Variants in SLC9A9 observed in about 807,000 individuals in gnomAD.
SLC9A9 encodes sodium/hydrogen exchanger 9.
A neutral mutation model predicts 77.8 loss-of-function variants in SLC9A9; 62 were observed. The ratio of observed to expected loss-of-function variants is 0.80; its 90% CI spans 0.65 to 0.98. The LOEUF is 0.98. SLC9A9 is among the 50% of genes least tolerant of loss of function. The pLI is 0.00. For missense variants in SLC9A9, 775 were observed against 774.9 expected (o/e 1.00, Z 0.00); for synonymous variants, 320 against 283.5 (o/e 1.13, Z -1.29).
intron 12 of SLC9A9, among the ~76,000 whole-genome samples, chr3:143,421,822 A>C (rs749864765): frequency 1.5e-4 from 23 of 152,204 alleles, no homozygotes; most frequent in Non-Finnish European, 2.9e-4. Context: ...ATAGGAGAAA[A>C]TATTTGCAAA....
At chr3:143,498,111 C>G (rs1485634366) in intron 9 of SLC9A9, among the ~76,000 whole-genome samples, 1 of 152,196 alleles carries the variant, frequency 6.6e-6, no homozygotes, top group Non-Finnish European at 1.5e-5. Flanking sequence ...TTATTGAAAT[C>G]TAACACTTCC....
At chr3:143,397,445 T>C (rs1205085398) in intron 12 of SLC9A9, among the ~76,000 whole-genome samples, 1 of 152,214 alleles carries the variant, frequency 6.6e-6, no homozygotes, top group Non-Finnish European at 1.5e-5. Flanking sequence ...TTGTAGGAGC[T>C]TTATATGTTG....
chr3:143,421,609 A>T (rs1363917971), intron 12 of SLC9A9, among the ~76,000 whole-genome samples: 1 of 152,158 alleles, frequency 6.6e-6, no homozygotes, highest in Non-Finnish European at 1.5e-5. Flanking sequence ...GAATTAAAAA[A>T]CTAAGTGTAA....
chr3:143,527,183 T>C (rs949783931), intron 9 of SLC9A9, among the ~76,000 whole-genome samples: 11 of 152,240 alleles, frequency 7.2e-5, no homozygotes, highest in African/African-American at 2.7e-4. Flanking sequence ...ATTTTCATTT[T>C]AGCTTTTTAT....
intron 5 of SLC9A9, 138 bp from the exon 6 acceptor site, chr3:143,652,498 T>C (rs1350590293): frequency 9.8e-6 from 7 of 717,166 alleles, no homozygotes; most frequent in Admixed American, 2.2e-5. Flanking sequence ...CAGACCTTTA[T>C]TCAAAAAATA....
Position 143,691,783 on chromosome 3 carries a change from C to T in SLC9A9, c.649+1409G>A, listed in dbSNP as rs1157772610. Among the ~76,000 whole-genome samples, 3 of 152,118 alleles carry T rather than the reference C, an allele frequency of 2.0e-5. No homozygotes were observed. The East Asian group carries it at 5.8e-4, about 29-fold the overall frequency. On this transcript the variant is annotated intron_variant, in intron 5 of 15. Transcript: ENST00000316549. ...TTAAACCCTCACTAAAATAACCAAA[C>T]ATAAACCGAAGTCCTATAATAAGTC...
intron 8 of SLC9A9, among the ~76,000 whole-genome samples, chr3:143,553,643 A>G (rs978386023): frequency 6.6e-6 from 1 of 152,248 alleles, no homozygotes. Context: ...TCAGGTCAGC[A>G]TTGGATAAAA....
intron 14 of SLC9A9, among the ~76,000 whole-genome samples, chr3:143,294,318 G>A (rs1047187030): frequency 1.3e-5 from 2 of 152,180 alleles, no homozygotes; most frequent in Non-Finnish European, 2.9e-5. Flanking sequence ...GAGGAAGGGG[G>A]AGCGGTTTAG....
chr3:143,533,087 G>A (rs1340973924), intron 9 of SLC9A9, among the ~76,000 whole-genome samples: 1 of 152,234 alleles, frequency 6.6e-6, no homozygotes, highest in Non-Finnish European at 1.5e-5. Flanking sequence ...GCCCAGGCCT[G>A]TACAGAGAAC....
chr3:143,569,783 C>G (rs1576582783), intron 8 of SLC9A9, among the ~76,000 whole-genome samples: 1 of 149,100 alleles, frequency 6.7e-6, no homozygotes, highest in South Asian at 2.1e-4. Flanking sequence ...ATATGACAGT[C>G]AAAAGGTTAA....
At chr3:143,812,755 C>T (rs1387114634) in intron 2 of SLC9A9, among the ~76,000 whole-genome samples, 2 of 152,168 alleles carry the variant, frequency 1.3e-5, no homozygotes, top group Non-Finnish European at 2.9e-5. Context: ...TCCCTAGAGA[C>T]TAACAGAGAG....
At position 143,266,395 on chromosome 3, in the gene SLC9A9, T is replaced by G; in HGVS notation, c.*307A>C. The G allele has an allele frequency of 1.8e-6, 1 of 549,212 alleles. No individual in the cohort carries two copies. Among genetic ancestry groups the G allele is most frequent in the Non-Finnish European group, 3.3e-6 (1 of 307,152 alleles). 34.0% of individuals were successfully genotyped at this position (549,212 alleles called of 1,614,324 possible). ...AGCCGCATTCGCAGCAGAAATGCCCTGAAGACCCAGCACAGCTGTCCCATC... is the reference window on the plus strand; with the variant it reads ...AGCCGCATTCGCAGCAGAAATGCCCGGAAGACCCAGCACAGCTGTCCCATC... On this transcript the variant is annotated 3_prime_UTR_variant, in exon 16 of 16. Transcript: ENST00000316549.
At chr3:143,599,131 G>A (rs1484888429) in intron 6 of SLC9A9, among the ~76,000 whole-genome samples, 3 of 152,200 alleles carry the variant, frequency 2.0e-5, no homozygotes, top group Non-Finnish European at 4.4e-5. Flanking sequence ...GAATAGTTAG[G>A]TGAAGAAAGC....
chr3:143,622,032 G>T (rs906620820), intron 6 of SLC9A9, among the ~76,000 whole-genome samples: 2 of 152,136 alleles, frequency 1.3e-5, no homozygotes, highest in African/African-American at 2.4e-5. Flanking sequence ...AAGATCAAAT[G>T]AATGAAATGA....
At position 143,552,361 on chromosome 3, in the gene SLC9A9, C is replaced by T. The variant is rs915411724; in HGVS notation, c.1089+1G>A. ...AGTCTGTAGTAAATTTTTTCTTTTA[C>T]CTGTTTAGTTCTTATTTTGGAATCC... On this transcript the variant is annotated splice_donor_variant, in intron 9 of 15. Transcript: ENST00000316549. LOFTEE classifies it high-confidence loss of function. 4.1e-5 allele frequency: 66 copies of T among 1,608,874 alleles called. No individual in the cohort carries two copies. The highest frequency in any genetic ancestry group is 5.4e-5 in the Non-Finnish European group (64 of 1,177,442).
intron 1 of SLC9A9, among the ~76,000 whole-genome samples, chr3:143,843,073 GA>G (rs1284033560): frequency 7.7e-6 from 1 of 129,140 alleles, no homozygotes; most frequent in African/African-American, 4.4e-5. Flanking sequence ...TCAAGATTAA[GA>G]AACTTAAATC....
chr3:143,665,733 A>G (rs2039054428), intron 5 of SLC9A9, among the ~76,000 whole-genome samples: 1 of 152,260 alleles, frequency 6.6e-6, no homozygotes, highest in Non-Finnish European at 1.5e-5. Context: ...AAAATTTAGA[A>G]GAAATGGATA....
chr3:143,779,374 T>C (rs1221311466), intron 4 of SLC9A9, among the ~76,000 whole-genome samples: 2 of 152,094 alleles, frequency 1.3e-5, no homozygotes, highest in Non-Finnish European at 2.9e-5. Flanking sequence ...TTGGGTTTTT[T>C]GTTTGTTTGT....
At chr3:143,802,905 C>A (rs1377412923) in intron 2 of SLC9A9, among the ~76,000 whole-genome samples, 1 of 152,162 alleles carries the variant, frequency 6.6e-6, no homozygotes, top group Non-Finnish European at 1.5e-5. Context: ...CAGCCCCAAC[C>A]TTGTCCCAGA....
Sources: allele counts gnomAD v4.1 joint callset (sites outside exome capture counted in the v4.1 genomes callset), GRCh38; gene constraint gnomAD v4.1.1; transcripts MANE v1.5; gene names NCBI Gene and HGNC (gene_info 2026-07-23, HGNC 2026-07-21).